LRRC8D: variants seen among roughly 807,000 people sequenced by gnomAD.
The protein encoded by LRRC8D is volume-regulated anion channel subunit LRRC8D.
Under a neutral mutation model 55.8 loss-of-function variants are expected in LRRC8D, and 20 were observed. That is an observed-to-expected ratio of 0.36 (90% CI 0.25 to 0.52). The LOEUF is 0.52. Ranked by LOEUF, LRRC8D falls within the 20% of genes least tolerant of loss-of-function variation. The pLI is 0.93. For synonymous variants in LRRC8D, 352 were observed against 377.0 expected (o/e 0.93, Z 0.77); for missense variants, 651 against 1,030.8 (o/e 0.63, Z 5.05).
chr1:89,842,394 C>T (rs1661158203), intron 1 of LRRC8D, among the ~76,000 whole-genome samples: 1 of 152,118 alleles, frequency 6.6e-6, no homozygotes, highest in African/African-American at 2.4e-5. Context: ...GGGAATATGA[C>T]TTTTGCAGAT....
At chr1:89,877,540 C>T (rs550973818) in intron 2 of LRRC8D, among the ~76,000 whole-genome samples, 2 of 152,216 alleles carry the variant, frequency 1.3e-5, no homozygotes, top group African/African-American at 2.4e-5. Context: ...TGCCCCACTC[C>T]CCCTTTTCTG....
intron 1 of LRRC8D, among the ~76,000 whole-genome samples, chr1:89,832,521 C>G (rs1285733273): frequency 6.6e-6 from 1 of 152,034 alleles, no homozygotes; most frequent in Admixed American, 6.5e-5. Flanking sequence ...TAAAATGTCC[C>G]CTTCTATTTG....
chr1:89,856,143 C>T (rs1326358322), intron 2 of LRRC8D, among the ~76,000 whole-genome samples: 1 of 151,968 alleles, frequency 6.6e-6, no homozygotes, highest in Non-Finnish European at 1.5e-5. Context: ...AAATAGCCTT[C>T]TTGGGCATTA....
At chr1:89,892,947 CAT>C (rs1350695862) in intron 2 of LRRC8D, among the ~76,000 whole-genome samples, 7 of 152,314 alleles carry the variant, frequency 4.6e-5, no homozygotes, top group Admixed American at 1.3e-4. Flanking sequence ...TTTCAGTTGA[CAT>C]GTGGTTAATT....
intron 2 of LRRC8D, among the ~76,000 whole-genome samples, chr1:89,892,675 C>T (rs553461604): frequency 1.3e-5 from 2 of 152,258 alleles, no homozygotes; most frequent in South Asian, 4.2e-4. Context: ...CCCGCCAACA[C>T]GCCCAGCTAA....
At chr1:89,832,283 TGA>T (rs1043014968) in intron 1 of LRRC8D, among the ~76,000 whole-genome samples, 10 of 152,254 alleles carry the variant, frequency 6.6e-5, no homozygotes, top group Admixed American at 2.0e-4. Context: ...AATCCTAGTC[TGA>T]GAGGATTTTT....
Position 89,843,730 on chromosome 1 carries a change from A to T in LRRC8D, c.-55A>T. 1.4e-6 allele frequency: 1 copy of T among 701,656 alleles called. No individual in the cohort carries two copies. Among genetic ancestry groups the T allele is most frequent in the Non-Finnish European group, 2.6e-6 (1 of 384,480 alleles). The allele number at this position is 701,656 out of a possible 1,614,324, so 43.5% of individuals were successfully genotyped here. Reference sequence around the variant, plus strand: ...TGGTTCCAGCCTCCGGAGCTCGCCCAAGCCGCGTCCCCAGAGAGCGCCCTG... The same window carrying T: ...TGGTTCCAGCCTCCGGAGCTCGCCCTAGCCGCGTCCCCAGAGAGCGCCCTG... On this transcript the variant is annotated 5_prime_UTR_variant, in exon 2 of 3. Transcript: ENST00000337338.
intron 2 of LRRC8D, among the ~76,000 whole-genome samples, chr1:89,875,603 T>C (rs557415092): frequency 1.3e-5 from 2 of 152,328 alleles, no homozygotes; most frequent in South Asian, 4.1e-4. Context: ...GCCTTTCATA[T>C]ACAACAGTGT....
Position 89,934,714 on chromosome 1 carries a change from T to C in LRRC8D, c.1646T>C (p.Val549Ala), listed in dbSNP as rs1273403314. 5 of 1,614,214 alleles carry C rather than the reference T, an allele frequency of 3.1e-6. No individual in the cohort carries two copies. In the South Asian group the frequency reaches 3.3e-5, roughly 11 times the overall value. The change falls in exon 3 of 3, where the codon GTG (valine) becomes GCG (alanine). Residue 549 changes from valine to alanine, a missense_variant. Coordinates refer to ENST00000337338, the MANE Select transcript of LRRC8D (RefSeq NM_001134479.2). The surrounding 1 kb of genome is among the most constrained non-coding windows in gnomAD (Gnocchi z 5.9). ...TGCCTTCACGTGAAGTTCACTGATG[T>C]GGCTGAAATTCCTGCCTGGGTGTAT... is the stretch of plus-strand genomic sequence containing the variant. Reference protein sequence around the residue: ...LRCLHVKFTDVAEIPAWVYLL... With the variant: ...LRCLHVKFTDAAEIPAWVYLL...
intron 2 of LRRC8D, among the ~76,000 whole-genome samples, chr1:89,879,022 G>A (rs1156427715): frequency 1.3e-5 from 2 of 150,672 alleles, no homozygotes; most frequent in East Asian, 3.9e-4. Flanking sequence ...GGACTGGATT[G>A]CGCAGTAAGC....
chr1:89,917,708 G>C lies in LRRC8D; in HGVS notation c.-2-15359G>C, dbSNP rs546389395. ...ACTTTCATAGTACCATGCAAGCAGG[G>C]GAAGGTCCAAGCTTCCTGGGATCTG... On this transcript the variant is annotated intron_variant, in intron 2 of 2. Transcript: ENST00000337338. 2.0e-5 allele frequency among the ~76,000 whole-genome samples: 3 copies of C among 152,246 alleles called. No homozygotes were observed. In the South Asian group the frequency reaches 6.2e-4, roughly 32 times the overall value.
chr1:89,826,245 AATTTT>A (rs10544709), intron 1 of LRRC8D, among the ~76,000 whole-genome samples: 144,050 of 149,038 alleles, frequency 0.97, 69,780 homozygotes, highest in East Asian at 1. Flanking sequence ...TCAACCCTTA[AATTTT>A]ATTTTATTTT....
In LRRC8D at chr1:89,923,596, A is replaced by G. The variant is rs536634539; in HGVS notation, c.-2-9471A>G. Among the ~76,000 whole-genome samples, 8 of 152,362 alleles carry G rather than the reference A, an allele frequency of 5.3e-5. No homozygotes were observed. In the East Asian group the frequency reaches 1.2e-3, roughly 22 times the overall value. On this transcript the variant is annotated intron_variant, in intron 2 of 2. Transcript: ENST00000337338. ...AGAAAAAAACGATTCTAAAATTCAT[A>G]TGGAACCCAAAAAAAGCCAAATCAC...
At chr1:89,924,537 A>G (rs999588991) in intron 2 of LRRC8D, among the ~76,000 whole-genome samples, 5 of 152,254 alleles carry the variant, frequency 3.3e-5, no homozygotes, top group East Asian at 1.9e-4. Context: ...AAACAGAACT[A>G]TAATTCAACC....
chr1:89,841,800 T>A (rs539959214), intron 1 of LRRC8D, among the ~76,000 whole-genome samples: 20 of 152,248 alleles, frequency 1.3e-4, no homozygotes, highest in Middle Eastern at 3.4e-3. Context: ...AGGTGTGTAT[T>A]ATTCAGGTGG....
At chr1:89,898,055 T>C (rs1433803780) in intron 2 of LRRC8D, among the ~76,000 whole-genome samples, 1 of 152,210 alleles carries the variant, frequency 6.6e-6, no homozygotes, top group Admixed American at 6.5e-5. Flanking sequence ...GTCTCTGATA[T>C]GTGGCTGAAC....
chr1:89,832,774 G>T (rs1463166598), intron 1 of LRRC8D, among the ~76,000 whole-genome samples: 4 of 152,190 alleles, frequency 2.6e-5, no homozygotes, highest in African/African-American at 9.7e-5. Flanking sequence ...TTAACAAGTT[G>T]TACAAGAAGT....
At chr1:89,873,334 A>G (rs1006146779) in intron 2 of LRRC8D, among the ~76,000 whole-genome samples, 3 of 152,268 alleles carry the variant, frequency 2.0e-5, no homozygotes, top group African/African-American at 7.2e-5. Context: ...TTCTAAATGT[A>G]TAATTGCATA....
At chr1:89,859,941 GAACTT>G (rs1371384744) in intron 2 of LRRC8D, among the ~76,000 whole-genome samples, 22 of 152,356 alleles carry the variant, frequency 1.4e-4, no homozygotes, top group African/African-American at 5.3e-4. Flanking sequence ...GCCTGTTTTA[GAACTT>G]AACTCTAGAT....
Sources: allele counts gnomAD v4.1 joint callset (sites outside exome capture counted in the v4.1 genomes callset), GRCh38; gene constraint gnomAD v4.1.1; non-coding constraint Gnocchi (gnomAD v3.1); transcripts MANE v1.5; gene names NCBI Gene and HGNC (gene_info 2026-07-23, HGNC 2026-07-21).